The following ADAMTS17 variants were observed in gnomAD, a reference collection of about 807,000 sequenced individuals.
ADAMTS17 encodes A disintegrin and metalloproteinase with thrombospondin motifs 17.
ADAMTS17 carries 113 observed loss-of-function variants against 141.5 expected under a neutral mutation model. The observed-to-expected ratio is 0.80, with a 90% CI of 0.69 to 0.93. ADAMTS17 has a LOEUF of 0.93. Among genes scored for constraint, ADAMTS17 ranks in the 40% least tolerant of loss-of-function variants. ADAMTS17 has a pLI of 0.00. For synonymous variants in ADAMTS17, 768 were observed against 630.6 expected (o/e 1.22, Z -3.27); for missense variants, 1,659 against 1,517.9 (o/e 1.09, Z -1.54).
chr15:99,989,684 A>G (rs1213102413), intron 20 of ADAMTS17, among the ~76,000 whole-genome samples: 2 of 152,196 alleles, frequency 1.3e-5, no homozygotes, highest in Non-Finnish European at 2.9e-5. Context: ...TTTTCAAGCT[A>G]GGTCTGGATG....
At chr15:100,270,490 A>T (rs1267913853) in intron 4 of ADAMTS17, among the ~76,000 whole-genome samples, 1 of 152,112 alleles carries the variant, frequency 6.6e-6, no homozygotes, top group African/African-American at 2.4e-5. Context: ...CCAGAAGCAA[A>T]TTTGCCTAGG....
intron 20 of ADAMTS17, among the ~76,000 whole-genome samples, chr15:99,986,569 AG>A (rs2060590998): frequency 6.6e-6 from 1 of 152,176 alleles, no homozygotes; most frequent in Non-Finnish European, 1.5e-5. Flanking sequence ...CACTGGCACC[AG>A]GGGGTCAACG....
chr15:100,298,305 T>C (rs1049362739), intron 3 of ADAMTS17, among the ~76,000 whole-genome samples: 1 of 152,114 alleles, frequency 6.6e-6, no homozygotes, highest in East Asian at 1.9e-4. Context: ...TCCAGCCACA[T>C]TTGAGGATGT....
In ADAMTS17 at chr15:100,133,281, T is replaced by C; in HGVS notation, c.1508A>G (p.Glu503Gly). 6.3e-7 allele frequency: 1 copy of C among 1,596,952 alleles called. No individual in the cohort carries two copies. The highest frequency in any genetic ancestry group is 2.2e-5 in the East Asian group (1 of 44,684). Residue 503 changes from glutamate (E) to glycine (G), a missense_variant, in exon 11 of 22, where the codon GAA becomes GGA. Coordinates refer to ENST00000268070, the MANE Select transcript of ADAMTS17 (RefSeq NM_139057.4). The part of the protein sequence containing the change: ...LMCAGLWCLV[E>G]GDTSCKTKLD... Reference sequence around the variant, plus strand: ...CTTGGTCTTGCAGGATGTGTCTCCTTCTACCAGGCACCACAGTCCAGCACA... The same window carrying C: ...CTTGGTCTTGCAGGATGTGTCTCCTCCTACCAGGCACCACAGTCCAGCACA...
intron 15 of ADAMTS17, among the ~76,000 whole-genome samples, chr15:100,058,046 T>A (rs180898253): frequency 6.6e-6 from 1 of 151,806 alleles, no homozygotes; most frequent in Non-Finnish European, 1.5e-5. Context: ...CCCCAGATGT[T>A]TACCACCCAG....
intron 3 of ADAMTS17, among the ~76,000 whole-genome samples, chr15:100,320,124 G>C (rs1232441701): frequency 6.6e-6 from 1 of 152,134 alleles, no homozygotes; most frequent in East Asian, 1.9e-4. Context: ...GAAAAATCTG[G>C]TGAACTGAGA....
At chr15:100,044,125 G>C (rs986285612) in intron 18 of ADAMTS17, among the ~76,000 whole-genome samples, 6 of 152,176 alleles carry the variant, frequency 3.9e-5, no homozygotes, top group Non-Finnish European at 8.8e-5. Context: ...TGATCAGAGG[G>C]CTCTGTTATG....
chr15:100,023,394 G>C (rs542621700), intron 18 of ADAMTS17, among the ~76,000 whole-genome samples: 17 of 151,892 alleles, frequency 1.1e-4, no homozygotes, highest in African/African-American at 4.1e-4. Flanking sequence ...TTTTAGTAGA[G>C]ACGGCGTTTC....
chr15:100,198,135 C>G (rs1468652957), intron 8 of ADAMTS17, among the ~76,000 whole-genome samples: 2 of 152,138 alleles, frequency 1.3e-5, no homozygotes, highest in African/African-American at 2.4e-5. Flanking sequence ...AACAAACCTG[C>G]ACATTCTGCA....
intron 4 of ADAMTS17, among the ~76,000 whole-genome samples, chr15:100,280,981 C>T (rs1157295485): frequency 3.3e-5 from 5 of 152,186 alleles, no homozygotes; most frequent in Non-Finnish European, 5.9e-5. Flanking sequence ...TAACAAGTGG[C>T]CCCATCACTG....
At chr15:100,329,448 C>T (rs1003262768) in intron 3 of ADAMTS17, among the ~76,000 whole-genome samples, 4 of 150,890 alleles carry the variant, frequency 2.7e-5, no homozygotes, top group African/African-American at 7.3e-5. Context: ...ATCACCTGAG[C>T]GCAGGAGGTC....
At chr15:100,149,215 T>A (rs1402943877) in intron 10 of ADAMTS17, among the ~76,000 whole-genome samples, 1 of 152,240 alleles carries the variant, frequency 6.6e-6, no homozygotes, top group Non-Finnish European at 1.5e-5. Context: ...TCACCTGGAT[T>A]TGACTGATAC....
chr15:100,036,205 G>GGAGGGTGCAGAGAGGCAGC (rs1340939521), intron 18 of ADAMTS17, among the ~76,000 whole-genome samples: 1 of 152,244 alleles, frequency 6.6e-6, no homozygotes, highest in African/African-American at 2.4e-5. Flanking sequence ...GGAAAGGCAA[G>GGAGGGTGCAGAGAGGCAGC]GAGGGTGCAG....
At chr15:100,153,433 G>A (rs1243301179) in intron 9 of ADAMTS17, among the ~76,000 whole-genome samples, 1 of 152,176 alleles carries the variant, frequency 6.6e-6, no homozygotes, top group Non-Finnish European at 1.5e-5. Context: ...TTGAGGTCAG[G>A]AGTTCAAGAC....
At chr15:100,340,622 A>G (rs2046334250) in intron 2 of ADAMTS17, among the ~76,000 whole-genome samples, 1 of 152,154 alleles carries the variant, frequency 6.6e-6, no homozygotes, top group Non-Finnish European at 1.5e-5. Flanking sequence ...GTCCAAGAAC[A>G]TAACACCTAC....
At chr15:100,036,015 C>G (rs1186402432) in intron 18 of ADAMTS17, among the ~76,000 whole-genome samples, 1 of 152,192 alleles carries the variant, frequency 6.6e-6, no homozygotes, top group Non-Finnish European at 1.5e-5. Flanking sequence ...ATCCTTGACT[C>G]TCAGTTCCAA....
chr15:99,993,292 G>T lies in ADAMTS17; in HGVS notation c.2797-92C>A. The T allele has an allele frequency of 6.5e-7, 1 of 1,539,390 alleles. No homozygotes were observed. Among genetic ancestry groups the T allele is most frequent in the Non-Finnish European group, 8.9e-7 (1 of 1,119,000 alleles). On this transcript the variant is annotated intron_variant, in intron 19 of 21. Transcript: ENST00000268070. The surrounding 1 kb of genome is among the most constrained non-coding windows in gnomAD (Gnocchi z 4.3). ...CTCCCTCCAATGTGCCAGGTGCGGT[G>T]TGGGGATGATACAAAGATGAAAACC...
rs78550744 is a variant in ADAMTS17, at chr15:100,280,502, C to T, written c.789+727G>A. Among the ~76,000 whole-genome samples the T allele has an allele frequency of 1.9e-3, 288 of 152,266 alleles. 1 individual carries two copies. The highest frequency in any genetic ancestry group is 6.1e-3 in the African/African-American group (252 of 41,546). On this transcript the variant is annotated intron_variant, in intron 4 of 21. Transcript: ENST00000268070. ...TCCTAACATCAACCTCGGCACACTG[C>T]TCCCCTCCCCTTCAGTGGTCCCACT...
chr15:100,012,640 G>T (rs2061209019), intron 18 of ADAMTS17, among the ~76,000 whole-genome samples: 2 of 152,274 alleles, frequency 1.3e-5, no homozygotes, highest in South Asian at 2.1e-4. Flanking sequence ...GCTGAAAAGG[G>T]TGTCCTTTCC....
Sources: gnomAD v4.1 joint callset for allele counts (sites outside exome capture counted in the v4.1 genomes callset) on GRCh38, gnomAD v4.1.1 for gene constraint, Gnocchi (gnomAD v3.1) non-coding constraint, MANE v1.5 for transcripts, NCBI Gene and HGNC (gene_info 2026-07-23, HGNC 2026-07-21) for gene names.